The following EHBP1 variants were observed in gnomAD, a reference collection of about 807,000 sequenced individuals.
EHBP1 encodes the protein EH domain-binding protein 1.
In EHBP1, 55 loss-of-function variants were observed where a neutral mutation model predicts 144.0. The observed-to-expected ratio is 0.38, with a 90% CI of 0.31 to 0.48. The LOEUF is 0.48. Ranked by LOEUF, EHBP1 falls within the 20% of genes least tolerant of loss-of-function variation. The probability of loss-of-function intolerance (pLI) is 0.98; values close to 1 mark genes in which losing one functional copy is unlikely to be tolerated. For missense variants in EHBP1, 1,200 were observed against 1,364.2 expected (o/e 0.88, Z 1.90); for synonymous variants, 469 against 472.7 (o/e 0.99, Z 0.10).
chr2:62,868,817 G>C lies in EHBP1; in HGVS notation c.998+3846G>C, dbSNP rs191160619. Among the ~76,000 whole-genome samples, 154 of 152,072 alleles carry C rather than the reference G, an allele frequency of 1.0e-3. 1 individual carries two copies. In the East Asian group the frequency reaches 0.02, roughly 20 times the overall value. On this transcript the variant is annotated intron_variant, in intron 9 of 22. Transcript: ENST00000431489. The stretch of plus-strand genomic sequence containing the variant: ...AATTTTTTTTTAATTAGCTGGGTGT[G>C]ATAGTGCACACCTGTGGTCCCAGCT...
At chr2:62,934,730 A>G (rs1489374765) in intron 10 of EHBP1, among the ~76,000 whole-genome samples, 5 of 152,200 alleles carry the variant, frequency 3.3e-5, no homozygotes, top group Non-Finnish European at 4.4e-5. Context: ...CACTAAGCAT[A>G]GGGAAGCTGC....
chr2:62,825,026 C>T, intron 5 of EHBP1, among the ~76,000 whole-genome samples: 1 of 151,914 alleles, frequency 6.6e-6, no homozygotes, highest in East Asian at 1.9e-4. Context: ...GTTACTGAGA[C>T]TCAAGTTTTC....
intron 15 of EHBP1, among the ~76,000 whole-genome samples, chr2:62,984,063 T>C (rs1401931193): frequency 6.6e-6 from 1 of 151,284 alleles, no homozygotes; most frequent in Admixed American, 6.5e-5. Context: ...TTCCCATCTT[T>C]TGTTTGATTT....
chr2:62,966,482 C>T (rs1201825697), intron 14 of EHBP1, among the ~76,000 whole-genome samples: 2 of 151,978 alleles, frequency 1.3e-5, no homozygotes, highest in Admixed American at 6.6e-5. Flanking sequence ...TACCTTTTCC[C>T]GAGTGCTTTA....
intron 19 of EHBP1, among the ~76,000 whole-genome samples, chr2:63,024,630 G>A (rs1429298300): frequency 6.6e-6 from 1 of 150,706 alleles, no homozygotes; most frequent in Non-Finnish European, 1.5e-5. Context: ...AAAATTAGAT[G>A]GAGTCAAAAT....
At chr2:62,920,328 C>A (rs1261258274) in intron 10 of EHBP1, among the ~76,000 whole-genome samples, 1 of 152,084 alleles carries the variant, frequency 6.6e-6, no homozygotes, top group Non-Finnish European at 1.5e-5. Flanking sequence ...TATATTCAAA[C>A]TGCTAAAAGA....
Position 62,948,767 on chromosome 2 carries a change from G to T in EHBP1, c.1921G>T (p.Asp641Tyr). 2 of 1,614,122 alleles carry T rather than the reference G, an allele frequency of 1.2e-6. No individual in the cohort carries two copies. Among genetic ancestry groups the T allele is most frequent in the Non-Finnish European group, 1.7e-6 (2 of 1,180,000 alleles). ...TGACCCTGGAATATGTTCCAATACA[G>T]ATTCAACCCAAGCACAGGTTTTGTT... ...SDDPGICSNT[D>Y]STQAQVLLGK... is the part of the protein sequence containing the mutation. Residue 641 changes from aspartate to tyrosine, a missense_variant, in exon 13 of 23, where the codon GAT (aspartate) becomes TAT (tyrosine). Around this residue, in one of 6 missense-constraint regions of EHBP1, gnomAD observed 543 missense variants for 513.1 expected, o/e 1.06. Transcript: ENST00000431489.
intron 13 of EHBP1, 104 bp downstream of exon 13, chr2:62,949,266 T>C (rs1423294479): frequency 9.7e-7 from 1 of 1,031,758 alleles, no homozygotes; most frequent in Non-Finnish European, 1.4e-6. Flanking sequence ...AGGTGAAGTG[T>C]AATTTCTATT....
chr2:62,814,744 G>A (rs2045316525), intron 5 of EHBP1, among the ~76,000 whole-genome samples: 1 of 152,078 alleles, frequency 6.6e-6, no homozygotes, highest in African/African-American at 2.4e-5. Flanking sequence ...GTGTTGCATT[G>A]GTAATCACAG....
In EHBP1 at chr2:62,709,356, GT is replaced by G. The variant is rs140588615; in HGVS notation, c.104+2062del. Among the ~76,000 whole-genome samples, 567 of 152,204 alleles carry G rather than the reference GT, an allele frequency of 3.7e-3. 4 individuals carry two copies. The highest frequency in any genetic ancestry group is 0.013 in the African/African-American group (532 of 41,524). On this transcript the variant is annotated intron_variant, in intron 2 of 22. Coordinates refer to ENST00000431489, the MANE Select transcript of EHBP1 (RefSeq NM_001142616.3). ...GATGTATTTGACCAAGCTGGAGAAG[GT>G]CGTGATTATAGGTGTTTCTTAACTT...
At chr2:62,800,252 T>C (rs867588305) in intron 5 of EHBP1, among the ~76,000 whole-genome samples, 1 of 152,222 alleles carries the variant, frequency 6.6e-6, no homozygotes. Context: ...AAAAATCTCA[T>C]CTACCTCATG....
intron 16 of EHBP1, among the ~76,000 whole-genome samples, chr2:62,991,739 A>G (rs1220647808): frequency 6.6e-6 from 1 of 152,170 alleles, no homozygotes; most frequent in Non-Finnish European, 1.5e-5. Flanking sequence ...GGGCACTTCC[A>G]GTCCTGTATA....
Position 62,948,779 on chromosome 2 carries a change from G to A in EHBP1, c.1933G>A (p.Ala645Thr), listed in dbSNP as rs1223745220. 1.9e-6 allele frequency: 3 copies of A among 1,614,098 alleles called. No homozygotes were observed. The highest frequency in any genetic ancestry group is 2.5e-6 in the Non-Finnish European group (3 of 1,179,994). ...GICSNTDSTQ[A>T]QVLLGKKRLL... Reference sequence around the variant, plus strand: ...ATGTTCCAATACAGATTCAACCCAAGCACAGGTTTTGTTAGGCAAAAAGAG... The same window carrying A: ...ATGTTCCAATACAGATTCAACCCAAACACAGGTTTTGTTAGGCAAAAAGAG... The change falls in exon 13 of 23, where the codon GCA (alanine) becomes ACA (threonine). Residue 645 changes from alanine to threonine, a missense_variant. Physicochemically the swap from Ala to Thr is moderately conservative, Grantham distance 58. Around this residue, in one of 6 missense-constraint regions of EHBP1, gnomAD observed 543 missense variants for 513.1 expected, o/e 1.06. Coordinates refer to ENST00000431489, the MANE Select transcript of EHBP1 (RefSeq NM_001142616.3).
chr2:62,965,969 T>G (rs1364514051), intron 14 of EHBP1, among the ~76,000 whole-genome samples: 2 of 152,198 alleles, frequency 1.3e-5, no homozygotes, highest in Non-Finnish European at 2.9e-5. Context: ...ATTATAATTT[T>G]GAAATGGAAT....
At chr2:62,902,921 T>C (rs1485404954) in intron 10 of EHBP1, among the ~76,000 whole-genome samples, 2 of 152,248 alleles carry the variant, frequency 1.3e-5, no homozygotes, top group African/African-American at 4.8e-5. Context: ...CACAACTAAA[T>C]CTTATCTTTA....
At chr2:62,936,870 A>G (rs2056420835) in intron 10 of EHBP1, among the ~76,000 whole-genome samples, 1 of 152,188 alleles carries the variant, frequency 6.6e-6, no homozygotes, top group African/African-American at 2.4e-5. Context: ...AAATGCTTAG[A>G]TATATTCAAA....
At chr2:62,920,166 A>T (rs901840024) in intron 10 of EHBP1, among the ~76,000 whole-genome samples, 3 of 152,222 alleles carry the variant, frequency 2.0e-5, no homozygotes, top group African/African-American at 7.2e-5. Flanking sequence ...AAAAAGTCCT[A>T]CACTAAAACT....
chr2:63,037,760 A>G, intron 20 of EHBP1, 126 bp downstream of exon 20: 1 of 536,494 alleles, frequency 1.9e-6, no homozygotes, highest in Non-Finnish European at 3.2e-6. Flanking sequence ...TACATGTTTT[A>G]TAAAAAAATA....
chr2:62,900,684 G>GTATATATA lies in EHBP1; in HGVS notation c.1185+26164_1185+26171dup, dbSNP rs147278087. ...GTTTTTTGTGGGTGTGTGTGTATGT[G>GTATATATA]TATATATATATATATATATTTTCTT... On this transcript the variant is annotated intron_variant, in intron 10 of 22. Transcript: ENST00000431489. Among the ~76,000 whole-genome samples, 117 of 141,510 alleles carry GTATATATA rather than the reference G, an allele frequency of 8.3e-4. 2 individuals carry two copies. The highest frequency in any genetic ancestry group is 3.0e-3 in the African/African-American group (107 of 35,918). 92.8% of individuals were successfully genotyped at this position (141,510 alleles called of 152,430 possible).
Sources: allele counts gnomAD v4.1 joint callset (sites outside exome capture counted in the v4.1 genomes callset), GRCh38; gene constraint gnomAD v4.1.1; regional missense constraint gnomAD v4.1.1; transcripts MANE v1.5; gene names NCBI Gene and HGNC (gene_info 2026-07-23, HGNC 2026-07-21).